Variants in BTAF1 observed in about 807,000 individuals in gnomAD.
The protein encoded by BTAF1 is TATA-binding protein-associated factor 172.
In BTAF1, 38 loss-of-function variants were observed where a neutral mutation model predicts 227.1. That is an observed-to-expected ratio of 0.17 (90% CI 0.13 to 0.22). The LOEUF (loss-of-function observed/expected upper bound fraction) is 0.22. BTAF1 is among the 10% of genes least tolerant of loss of function. BTAF1 has a pLI of 1.00. For synonymous variants in BTAF1, 742 were observed against 751.9 expected, an observed-to-expected ratio of 0.99 and a Z score of 0.21; for missense variants, 1,598 against 2,204.0, an observed-to-expected ratio of 0.73 and a Z score of 5.51.
rs748680243 is a variant in BTAF1, at chr10:91,984,405, G to C, written c.2427+1G>C. Reference sequence around the variant, plus strand: ...AACAATAGATCAAGCTAGTGACTTGGTGAGTAAAGAAATAACTTTCTTAAT... The same window carrying C: ...AACAATAGATCAAGCTAGTGACTTGCTGAGTAAAGAAATAACTTTCTTAAT... On this transcript the variant is annotated splice_donor_variant, in intron 19 of 37. Coordinates refer to ENST00000265990, the MANE Select transcript of BTAF1 (RefSeq NM_003972.3). LOFTEE classifies it high-confidence loss of function. 1 of 1,601,202 alleles carries C rather than the reference G, an allele frequency of 6.2e-7. No homozygotes were observed. Among genetic ancestry groups the C allele is most frequent in the African/African-American group, 1.3e-5 (1 of 74,664 alleles).
chr10:91,962,087 T>A (rs1846564334), intron 11 of BTAF1, among the ~76,000 whole-genome samples: 1 of 152,206 alleles, frequency 6.6e-6, no homozygotes, highest in South Asian at 2.1e-4. Flanking sequence ...GTTTATGTGA[T>A]TGTTTTTTAG....
chr10:91,939,820 A>G, intron 2 of BTAF1, 132 bp from the exon 3 acceptor site: 1 of 507,446 alleles, frequency 2.0e-6, no homozygotes. Context: ...TAATAATTCT[A>G]AGGTGTTTTA....
chr10:91,998,639 T>A (rs1027815616), intron 25 of BTAF1, among the ~76,000 whole-genome samples: 1 of 152,242 alleles, frequency 6.6e-6, no homozygotes, highest in Non-Finnish European at 1.5e-5. Context: ...TCCATGTTGT[T>A]AACATGTATA....
At chr10:91,927,248 C>T (rs1162445013) in intron 1 of BTAF1, among the ~76,000 whole-genome samples, 1 of 151,980 alleles carries the variant, frequency 6.6e-6, no homozygotes, top group Non-Finnish European at 1.5e-5. Flanking sequence ...AAACGATTCT[C>T]CTGCCTCAGC....
At chr10:91,984,128 A>G (rs1263115894) in intron 18 of BTAF1, 73 bp from the exon 19 acceptor site, 3 of 1,342,616 alleles carry the variant, frequency 2.2e-6, no homozygotes, top group Non-Finnish European at 3.1e-6. Flanking sequence ...TTGGTAGTCT[A>G]CAAATGACGA....
At position 91,959,766 on chromosome 10, in the gene BTAF1, A is replaced by C. The variant is rs1048270730; in HGVS notation, c.991-19A>C. 6.8e-6 allele frequency: 4 copies of C among 586,584 alleles called. No homozygotes were observed. The highest frequency in any genetic ancestry group is 1.1e-5 in the Non-Finnish European group (4 of 378,498). 36.3% of individuals were successfully genotyped at this position (586,584 alleles called of 1,614,324 possible). ...TATATATATATATATATATATATATATATATTATATTTTAACAGATGATTC... is the reference window on the plus strand; with the variant it reads ...TATATATATATATATATATATATATCTATATTATATTTTAACAGATGATTC... On this transcript the variant is annotated intron_variant, in intron 9 of 37. Transcript: ENST00000265990.
chr10:91,936,673 C>G (rs1222701036), intron 2 of BTAF1, among the ~76,000 whole-genome samples: 1 of 152,180 alleles, frequency 6.6e-6, no homozygotes, highest in Non-Finnish European at 1.5e-5. Context: ...TACCTACAGG[C>G]TCCACGTTCT....
At chr10:91,936,519 T>C (rs1270819936) in intron 2 of BTAF1, among the ~76,000 whole-genome samples, 3 of 150,422 alleles carry the variant, frequency 2.0e-5, no homozygotes, top group Non-Finnish European at 4.4e-5. Context: ...TGAGTGGGAG[T>C]TCTAAGCCCT....
chr10:91,938,789 A>T (rs1844800316), intron 2 of BTAF1, among the ~76,000 whole-genome samples: 1 of 152,188 alleles, frequency 6.6e-6, no homozygotes, highest in African/African-American at 2.4e-5. Flanking sequence ...TTGAGGCTGC[A>T]GTGTGCTATG....
chr10:91,982,225 A>G lies in BTAF1; in HGVS notation c.2048A>G (p.Lys683Arg), dbSNP rs757485831. Reference protein sequence around the residue: ...VVMRARMMAAKLLGALCCCIC... With the variant: ...VVMRARMMAARLLGALCCCIC... ...ATGCGGGCCAGAATGATGGCAGCCAAGTGAGTGTACATTAAGTGTCAGGTA... is the reference window on the plus strand; with the variant it reads ...ATGCGGGCCAGAATGATGGCAGCCAGGTGAGTGTACATTAAGTGTCAGGTA... Residue 683 changes from lysine to arginine, a missense_variant and splice_region_variant, in exon 17 of 38, where the codon AAG becomes AGG. Around this residue, in one of 10 missense-constraint regions of BTAF1, gnomAD observed 318 missense variants for 435.0 expected, o/e 0.73. Coordinates refer to ENST00000265990, the MANE Select transcript of BTAF1 (RefSeq NM_003972.3). The G allele has an allele frequency of 1.2e-6, 2 of 1,613,894 alleles. No homozygotes were observed. Among genetic ancestry groups the G allele is most frequent in the South Asian group, 2.2e-5 (2 of 91,070 alleles).
At chr10:92,012,912 C>T (rs984772722) in intron 30 of BTAF1, among the ~76,000 whole-genome samples, 11 of 151,812 alleles carry the variant, frequency 7.2e-5, no homozygotes, top group African/African-American at 2.7e-4. Context: ...ATTGCTTTTA[C>T]TTGGTTCAGA....
chr10:92,006,457 A>G (rs566327860), intron 25 of BTAF1, among the ~76,000 whole-genome samples: 1 of 152,238 alleles, frequency 6.6e-6, no homozygotes, highest in African/African-American at 2.4e-5. Context: ...CTCCCCTGCC[A>G]GGTAAGTATG....
At chr10:91,982,796 T>C (rs145945702) in intron 18 of BTAF1, 35 bp downstream of exon 18, 130 of 1,540,470 alleles carry the variant, frequency 8.4e-5, no homozygotes, top group Non-Finnish European at 9.8e-5. Context: ...AAAGACAAAT[T>C]AAGTAAACCA....
At chr10:91,982,891 C>T in intron 18 of BTAF1, 130 bp downstream of exon 18, 2 of 966,800 alleles carry the variant, frequency 2.1e-6, no homozygotes, top group Non-Finnish European at 2.9e-6. Flanking sequence ...GAAAAGTGTC[C>T]AAATTATATT....
intron 30 of BTAF1, among the ~76,000 whole-genome samples, chr10:92,013,238 C>T (rs1850492124): frequency 6.6e-6 from 1 of 152,152 alleles, no homozygotes. Context: ...TGCATTGTGG[C>T]CCATAAATAC....
At chr10:91,934,338 G>A (rs1167522554) in intron 1 of BTAF1, among the ~76,000 whole-genome samples, 1 of 151,934 alleles carries the variant, frequency 6.6e-6, no homozygotes, top group African/African-American at 2.4e-5. Context: ...GGATTCAGAA[G>A]CAATTATCCT....
intron 19 of BTAF1, among the ~76,000 whole-genome samples, chr10:91,988,690 G>A (rs1188630193): frequency 6.6e-6 from 1 of 152,212 alleles, no homozygotes; most frequent in East Asian, 1.9e-4. Flanking sequence ...GAATGATTCA[G>A]TTAGCAACAC....
intron 34 of BTAF1, among the ~76,000 whole-genome samples, chr10:92,022,407 T>C (rs1190144294): frequency 3.3e-5 from 5 of 152,166 alleles, no homozygotes; most frequent in Non-Finnish European, 7.4e-5. Context: ...GTATAGGATG[T>C]CACACTTATA....
intron 34 of BTAF1, among the ~76,000 whole-genome samples, chr10:92,024,226 T>C (rs1483281733): frequency 2.0e-5 from 3 of 152,212 alleles, no homozygotes. Flanking sequence ...TTTTCTATAA[T>C]TTTTTCTACC....
Sources: gnomAD v4.1 joint callset for allele counts (sites outside exome capture counted in the v4.1 genomes callset) on GRCh38, gnomAD v4.1.1 for gene constraint, gnomAD v4.1.1 regional missense constraint, MANE v1.5 for transcripts, NCBI Gene and HGNC (gene_info 2026-07-23, HGNC 2026-07-21) for gene names.